MCF2L: variants seen among roughly 807,000 people sequenced by gnomAD.
MCF2L encodes MCF.2 cell line derived transforming sequence like.
A neutral mutation model predicts 153.4 loss-of-function variants in MCF2L; 97 were observed. The ratio of observed to expected loss-of-function variants is 0.63; its 90% confidence interval spans 0.54 to 0.75. The LOEUF (loss-of-function observed/expected upper bound fraction) is 0.75, where lower values mean the gene tolerates loss of function less well. Ranked by LOEUF, MCF2L falls within the 30% of genes least tolerant of loss-of-function variation. MCF2L has a pLI of 0.00. For missense variants in MCF2L, 1,347 were observed against 1,495.2 expected (o/e 0.90, Z 1.64); for synonymous variants, 659 against 632.2 (o/e 1.04, Z -0.64).
intron 1 of MCF2L, among the ~76,000 whole-genome samples, chr13:112,978,715 A>G (rs904742590): frequency 2.6e-5 from 4 of 152,238 alleles, no homozygotes; most frequent in African/African-American, 9.6e-5. Flanking sequence ...TAATCACATC[A>G]GCTCACAGAA....
intron 1 of MCF2L, chr13:113,001,817 G>A (rs528017785): frequency 2.2e-4 from 323 of 1,452,840 alleles, no homozygotes; most frequent in Non-Finnish European, 2.7e-4. Context: ...CCCGCTTCGC[G>A]GCCAAGATGG....
intron 2 of MCF2L, among the ~76,000 whole-genome samples, chr13:112,945,044 C>T (rs1207148428): frequency 1.4e-5 from 2 of 142,054 alleles, no homozygotes; most frequent in African/African-American, 5.3e-5. Flanking sequence ...GAAGATGGTG[C>T]AGGGTGGGCC....
intron 3 of MCF2L, chr13:113,044,397 A>G: frequency 2.6e-6 from 1 of 389,290 alleles, no homozygotes; most frequent in East Asian, 6.1e-5. Flanking sequence ...TGGCTTGTTA[A>G]TGATGCTCAC....
chr13:112,924,234 G>C lies in MCF2L; in HGVS notation c.169+21863G>C, dbSNP rs7329390. ...AAGCTCCCCACAACCCCCCCACGATGTGTCGTCGTTAGAGTGCCCCCACAC... is the reference window on the plus strand; with the variant it reads ...AAGCTCCCCACAACCCCCCCACGATCTGTCGTCGTTAGAGTGCCCCCACAC... On this transcript the variant is annotated intron_variant, in intron 2 of 29. Coordinates refer to the MCF2L transcript ENST00000375608. Among the ~76,000 whole-genome samples, 512 of 152,150 alleles carry C rather than the reference G, an allele frequency of 3.4e-3. 2 individuals carry two copies. The highest frequency in any genetic ancestry group is 0.011 in the African/African-American group (477 of 41,502).
intron 1 of MCF2L, chr13:113,001,807 C>T: frequency 1.4e-6 from 2 of 1,440,852 alleles, no homozygotes; most frequent in Non-Finnish European, 1.8e-6. Context: ...GTGTGGCGTC[C>T]CCGCTTCGCG....
intron 2 of MCF2L, among the ~76,000 whole-genome samples, chr13:113,023,035 C>G (rs938281482): frequency 1.1e-4 from 16 of 152,254 alleles, no homozygotes; most frequent in Admixed American, 1.0e-3. Flanking sequence ...CATCAGAGCA[C>G]AATGAAGCCA....
At chr13:113,089,920 C>T in intron 26 of MCF2L, 192 bp downstream of exon 26, 1 of 1,601,810 alleles carries the variant, frequency 6.2e-7, no homozygotes, top group Non-Finnish European at 8.5e-7. Flanking sequence ...CATTGCTCTG[C>T]ACCCCTGCAT....
intron 1 of MCF2L, among the ~76,000 whole-genome samples, chr13:112,990,394 G>A (rs1309128252): frequency 6.6e-6 from 1 of 152,210 alleles, no homozygotes; most frequent in African/African-American, 2.4e-5. Context: ...CAAGGACAAA[G>A]TAAAGAGTGT....
intron 4 of MCF2L, among the ~76,000 whole-genome samples, chr13:113,050,277 T>TGTGA (rs1491565048): frequency 5.8e-4 from 4 of 6,950 alleles, no homozygotes; most frequent in Non-Finnish European, 1.2e-3. Context: ...TGTGTGAGAC[T>TGTGA]GTGAGTGTGA....
At chr13:112,916,477 G>A (rs77014688) in intron 2 of MCF2L, among the ~76,000 whole-genome samples, 1,630 of 152,214 alleles carry the variant, frequency 0.011, 26 homozygotes, top group African/African-American at 0.036. Context: ...GTCTCCGCAC[G>A]TCCGCGCTCT....
chr13:113,082,584 T>C (rs749299287), intron 17 of MCF2L, 42 bp downstream of exon 17: 2 of 1,334,076 alleles, frequency 1.5e-6, no homozygotes, highest in Non-Finnish European at 2.1e-6. Flanking sequence ...CCGTGATCTC[T>C]TGCAGCTAAT....
intron 3 of MCF2L, among the ~76,000 whole-genome samples, chr13:113,038,534 T>C (rs1435045736): frequency 6.6e-6 from 1 of 151,974 alleles, no homozygotes; most frequent in Non-Finnish European, 1.5e-5. Flanking sequence ...GTTCACAGAT[T>C]AGAAGACAAT....
rs751804535 is a variant in MCF2L, at chr13:113,002,033, C to T, written c.80-12730C>T. 5.5e-5 allele frequency: 82 copies of T among 1,495,462 alleles called. No individual in the cohort carries two copies. In the East Asian group the frequency reaches 1.1e-3, roughly 20 times the overall value. 92.6% of individuals were successfully genotyped at this position (1,495,462 alleles called of 1,614,324 possible). A position where few individuals can be genotyped will look rare whatever the true frequency, so the allele number is the denominator to read the frequency against. On this transcript the variant is annotated intron_variant, in intron 1 of 29. Transcript: ENST00000535094. ...CGCCTCCCCGGAAGGTGTTGTGGGG[C>T]GACAGTGCGGGGACGCCGGGCGGGG...
intron 1 of MCF2L, among the ~76,000 whole-genome samples, chr13:112,894,711 G>A (rs2081048984): frequency 6.6e-6 from 1 of 152,134 alleles, no homozygotes; most frequent in Admixed American, 6.5e-5. Context: ...CAGGCGCCCA[G>A]GGCCCCTCCG....
chr13:113,048,354 G>A (rs2086963255), intron 4 of MCF2L, among the ~76,000 whole-genome samples: 1 of 151,380 alleles, frequency 6.6e-6, no homozygotes, highest in Non-Finnish European at 1.5e-5. Context: ...TGGTTTGGAA[G>A]TAACAGAAGC....
intron 1 of MCF2L, among the ~76,000 whole-genome samples, chr13:113,013,387 C>CCTGCTG (rs1432059219): frequency 6.6e-6 from 1 of 152,074 alleles, no homozygotes; most frequent in Non-Finnish European, 1.5e-5. Context: ...ACACCGTGGC[C>CCTGCTG]CTGCTGCTTC....
chr13:112,919,496 C>T (rs1056870404), intron 2 of MCF2L, among the ~76,000 whole-genome samples: 10 of 152,204 alleles, frequency 6.6e-5, no homozygotes, highest in East Asian at 1.9e-4. Flanking sequence ...TGAGCCACCG[C>T]GCCCGGCCAG....
chr13:112,988,599 T>C (rs1251576608), intron 1 of MCF2L, among the ~76,000 whole-genome samples: 1 of 141,068 alleles, frequency 7.1e-6, no homozygotes, highest in African/African-American at 2.8e-5. Flanking sequence ...ACTGGAGTCC[T>C]CCCTGAGCAG....
intron 26 of MCF2L, among the ~76,000 whole-genome samples, chr13:113,091,780 C>T (rs920995939): frequency 1.3e-5 from 2 of 152,212 alleles, no homozygotes; most frequent in Middle Eastern, 3.4e-3. Context: ...CCTGTGAAGC[C>T]CAGAGACCTC....
Sources: gnomAD v4.1 joint callset for allele counts (sites outside exome capture counted in the v4.1 genomes callset) on GRCh38, gnomAD v4.1.1 for gene constraint, MANE v1.5 for transcripts, NCBI Gene and HGNC (gene_info 2026-07-23, HGNC 2026-07-21) for gene names.